The following LRP2 variants were observed in gnomAD, a reference collection of about 807,000 sequenced individuals.
LRP2 encodes LDL receptor related protein 2.
A neutral mutation model predicts 531.0 loss-of-function variants in LRP2; 172 were observed. The ratio of observed to expected loss-of-function variants is 0.32; its 90% confidence interval spans 0.29 to 0.37. The LOEUF (loss-of-function observed/expected upper bound fraction) is 0.37. LRP2 is among the 10% of genes least tolerant of loss of function. The pLI is 1.00. For missense variants in LRP2, 5,167 were observed against 5,868.3 expected (o/e 0.88, Z 3.90); for synonymous variants, 1,992 against 2,027.6 (o/e 0.98, Z 0.47).
At chr2:169,362,210 G>A (rs1169336335) in intron 1 of LRP2, 111 bp downstream of exon 1, 5 of 915,158 alleles carry the variant, frequency 5.5e-6, no homozygotes, top group Non-Finnish European at 6.3e-6. Flanking sequence ...CCGCGCCGCC[G>A]CCCGGCCCTA....
At chr2:169,244,294 T>C (rs528243328) in intron 22 of LRP2, among the ~76,000 whole-genome samples, 2 of 152,368 alleles carry the variant, frequency 1.3e-5, no homozygotes, top group South Asian at 4.1e-4. Flanking sequence ...CCTCTTTATT[T>C]TGATGTCTTT....
chr2:169,143,360 A>G (rs1032167756), intron 70 of LRP2, among the ~76,000 whole-genome samples: 14 of 152,124 alleles, frequency 9.2e-5, no homozygotes, highest in Non-Finnish European at 5.9e-5. Flanking sequence ...TATTGATGCC[A>G]GGCCAGGCGC....
intron 1 of LRP2, among the ~76,000 whole-genome samples, chr2:169,338,375 A>AGAAAGAAAGAAAGAAG (rs1685470651): frequency 8.1e-6 from 1 of 122,856 alleles, no homozygotes; most frequent in Middle Eastern, 3.9e-3. Flanking sequence ...AAAGAAAGAA[A>AGAAAGAAAGAAAGAAG]GAAAGAAAGA....
rs142862903 is a variant in LRP2, at chr2:169,131,893, A to C, written c.13728+681T>G. ...TCATTAAAACTAATGATATACATTAATACAGAGTTTAATATCAAATATATT... is the reference window on the plus strand; with the variant it reads ...TCATTAAAACTAATGATATACATTACTACAGAGTTTAATATCAAATATATT... On this transcript the variant is annotated intron_variant, in intron 77 of 78. Transcript: ENST00000649046. Among the ~76,000 whole-genome samples the C allele has an allele frequency of 4.1e-3, 630 of 152,374 alleles. 7 individuals are homozygous for C. The highest frequency in any genetic ancestry group is 0.014 in the African/African-American group (586 of 41,594).
intron 1 of LRP2, among the ~76,000 whole-genome samples, chr2:169,338,260 A>G (rs1188287482): frequency 6.9e-6 from 1 of 145,966 alleles, no homozygotes. Flanking sequence ...AGAAAGAAAA[A>G]CAAAGAAAGA....
At chr2:169,157,957 T>TAAATA (rs568534822) in intron 63 of LRP2, among the ~76,000 whole-genome samples, 1 of 145,974 alleles carries the variant, frequency 6.9e-6, no homozygotes, top group South Asian at 2.1e-4. Context: ...AATAAATAAA[T>TAAATA]AAAAGACATG....
intron 34 of LRP2, among the ~76,000 whole-genome samples, chr2:169,219,664 C>T (rs545587457): frequency 6.6e-6 from 1 of 152,100 alleles, no homozygotes; most frequent in Non-Finnish European, 1.5e-5. Context: ...CACATGGGAA[C>T]AACAGACACT....
intron 4 of LRP2, among the ~76,000 whole-genome samples, chr2:169,304,256 G>T (rs1265992686): frequency 6.6e-6 from 1 of 152,114 alleles, no homozygotes; most frequent in Non-Finnish European, 1.5e-5. Context: ...CTCTTAACTT[G>T]TACAAGATAG....
intron 3 of LRP2, among the ~76,000 whole-genome samples, chr2:169,311,137 T>G (rs748337467): frequency 6.6e-6 from 1 of 152,126 alleles, no homozygotes; most frequent in Admixed American, 6.5e-5. Flanking sequence ...TTTGTTGATC[T>G]TTTCAAAAAA....
Position 169,162,552 on chromosome 2 carries a change from C to T in LRP2, c.11807G>A (p.Gly3936Asp). ...KPCTEYEYKC[G>D]NGHCIPHDNV... is the part of the protein sequence containing the mutation. ...GTCATGTGGAATGCAATGCCCATTG[C>T]CACACTTATATTCATATTCTGTACA... Residue 3936 changes from glycine (G) to aspartate (D), a missense_variant, in exon 63 of 79, where the codon GGC becomes GAC. Physicochemically the swap from Gly to Asp is moderately conservative, Grantham distance 94. Coordinates refer to ENST00000649046, the MANE Select transcript of LRP2 (RefSeq NM_004525.3). 2 of 1,614,154 alleles carry T rather than the reference C, an allele frequency of 1.2e-6. No homozygotes were observed. The highest frequency in any genetic ancestry group is 2.7e-5 in the African/African-American group (2 of 75,040).
At chr2:169,281,087 C>A (rs1359538256) in intron 10 of LRP2, among the ~76,000 whole-genome samples, 1 of 152,032 alleles carries the variant, frequency 6.6e-6, no homozygotes, top group Non-Finnish European at 1.5e-5. Flanking sequence ...ACTAGTTAAA[C>A]AAATTATGAA....
At chr2:169,220,396 C>G in intron 34 of LRP2, 58 bp downstream of exon 34, 1 of 1,259,964 alleles carries the variant, frequency 7.9e-7, no homozygotes, top group Non-Finnish European at 1.2e-6. Flanking sequence ...TTTGTCAGAC[C>G]CTGACATTAA....
chr2:169,279,622 T>C, intron 11 of LRP2, 27 bp from the exon 12 acceptor site: 1 of 1,409,204 alleles, frequency 7.1e-7, no homozygotes, highest in East Asian at 2.3e-5. Flanking sequence ...AATTATTATA[T>C]TTCTTCAGCA....
chr2:169,149,662 C>A (rs1266215382), intron 68 of LRP2, among the ~76,000 whole-genome samples: 2 of 151,976 alleles, frequency 1.3e-5, no homozygotes, highest in African/African-American at 4.8e-5. Flanking sequence ...CATGGTGAAA[C>A]CCTGTCTCTA....
chr2:169,205,036 CTTT>C (rs59405840), intron 41 of LRP2, among the ~76,000 whole-genome samples: 1 of 141,178 alleles, frequency 7.1e-6, no homozygotes. Flanking sequence ...AAAGAATTTT[CTTT>C]TTTTTTTTTT....
At chr2:169,202,656 A>G in intron 43 of LRP2, 100 bp downstream of exon 43, 2 of 1,238,686 alleles carry the variant, frequency 1.6e-6, no homozygotes, top group South Asian at 2.4e-5. Flanking sequence ...ATGCCTAGGC[A>G]CACATTTCAA....
At chr2:169,342,074 A>G (rs1051811718) in intron 1 of LRP2, among the ~76,000 whole-genome samples, 5 of 152,098 alleles carry the variant, frequency 3.3e-5, no homozygotes, top group African/African-American at 1.2e-4. Context: ...AAATGCTACT[A>G]TATGTTTCCA....
chr2:169,185,632 T>A lies in LRP2; in HGVS notation c.9716A>T (p.Lys3239Met). 1 of 1,614,248 alleles carries A rather than the reference T, an allele frequency of 6.2e-7. No homozygotes were observed. The highest frequency in any genetic ancestry group is 2.2e-5 in the East Asian group (1 of 44,890). ...VVALDFDRVE[K>M]RLYWIDTQRQ... The stretch of plus-strand genomic sequence containing the variant: ...CTGTGTATCAATCCAATACAATCTC[T>A]TCTCTACTCGGTCAAAATCTAATGC... The change falls in exon 50 of 79, where the codon AAG (lysine) becomes ATG (methionine). Residue 3239 changes from lysine to methionine, a missense_variant. Physicochemically the swap from Lys to Met is moderately conservative, Grantham distance 95 (BLOSUM62 -1). Around this residue, in one of 6 missense-constraint regions of LRP2, gnomAD observed 1,129 missense variants for 1,362.7 expected, o/e 0.83. Transcript: ENST00000649046.
intron 61 of LRP2, among the ~76,000 whole-genome samples, chr2:169,167,673 A>C (rs1039756460): frequency 6.6e-6 from 1 of 151,958 alleles, no homozygotes; most frequent in Non-Finnish European, 1.5e-5. Context: ...ATGAATTTGC[A>C]TTTCTAACAT....
Sources: allele counts gnomAD v4.1 joint callset (sites outside exome capture counted in the v4.1 genomes callset), GRCh38; gene constraint gnomAD v4.1.1; regional missense constraint gnomAD v4.1.1; transcripts MANE v1.5; gene names NCBI Gene and HGNC (gene_info 2026-07-23, HGNC 2026-07-21).